The following TET1 variants were observed in gnomAD, a reference collection of about 807,000 sequenced individuals.
TET1 encodes the protein methylcytosine dioxygenase TET1.
In TET1, 13 loss-of-function variants were observed where a neutral mutation model predicts 148.7. That is an observed-to-expected ratio of 0.09 (90% CI 0.06 to 0.14). The LOEUF (loss-of-function observed/expected upper bound fraction) is 0.14, where lower values mean the gene tolerates loss of function less well. Among genes scored for constraint, TET1 ranks in the 10% least tolerant of loss-of-function variants. The probability of loss-of-function intolerance (pLI) is 1.00; values close to 1 mark genes in which losing one functional copy is unlikely to be tolerated. For synonymous variants in TET1, 907 were observed against 937.2 expected (o/e 0.97, Z 0.59); for missense variants, 2,182 against 2,553.8 (o/e 0.85, Z 3.14).
At chr10:68,648,126 C>T (rs539326804) in intron 4 of TET1, among the ~76,000 whole-genome samples, 2 of 152,260 alleles carry the variant, frequency 1.3e-5, no homozygotes, top group East Asian at 1.9e-4. Flanking sequence ...GATCCCTAAC[C>T]AATGTATTTC....
intron 2 of TET1, among the ~76,000 whole-genome samples, chr10:68,588,411 A>C (rs1316920031): frequency 6.6e-6 from 1 of 152,222 alleles, no homozygotes; most frequent in Non-Finnish European, 1.5e-5. Flanking sequence ...ACTGAGGCTT[A>C]GAGATGCCAG....
chr10:68,640,544 CTTTTT>C (rs60460824), intron 3 of TET1, among the ~76,000 whole-genome samples: 358 of 42,874 alleles, frequency 8.4e-3, no homozygotes, highest in African/African-American at 0.032. Context: ...TTCTTTCTTT[CTTTTT>C]TTTTTTTTTT....
intron 2 of TET1, among the ~76,000 whole-genome samples, chr10:68,593,230 CAAAAAAAAAAAAA>C (rs576381158): frequency 4.6e-5 from 2 of 43,184 alleles, no homozygotes; most frequent in South Asian, 9.5e-4. Flanking sequence ...AACTCTGTCT[CAAAAAAAAAAAAA>C]AAAAAAAAAA....
intron 3 of TET1, among the ~76,000 whole-genome samples, chr10:68,620,859 G>A (rs569451538): frequency 6.6e-6 from 1 of 152,248 alleles, no homozygotes; most frequent in South Asian, 2.1e-4. Context: ...AAAAATTTTA[G>A]CCTCCTAGTG....
At chr10:68,672,784 A>G (rs2055293484) in intron 7 of TET1, 111 bp from the exon 8 acceptor site, 6 of 778,570 alleles carry the variant, frequency 7.7e-6, no homozygotes, top group Non-Finnish European at 1.2e-5. Flanking sequence ...GATAAGTGTT[A>G]TAACCGGTTC....
At position 68,596,027 on chromosome 10, in the gene TET1, C is replaced by CACATATAT. The variant is rs71470531; in HGVS notation, c.1915-4953_1915-4952insCATATATA. Among the ~76,000 whole-genome samples the CACATATAT allele has an allele frequency of 5.7e-3, 351 of 61,644 alleles. 5 individuals are homozygous for CACATATAT. Among genetic ancestry groups the CACATATAT allele is most frequent in the South Asian group, 0.014 (21 of 1,512 alleles). The allele number at this position is 61,644 out of a possible 152,430, so 40.4% of individuals were successfully genotyped here. A position where few individuals can be genotyped will look rare whatever the true frequency, so the allele number is the denominator to read the frequency against. On this transcript the variant is annotated intron_variant, in intron 2 of 11. Coordinates refer to ENST00000373644, the MANE Select transcript of TET1 (RefSeq NM_030625.3). ...ACACACACACACACACACACACACA[C>CACATATAT]ATATATATATATATATACACATTTT...
At chr10:68,627,078 C>T (rs10998343) in intron 3 of TET1, among the ~76,000 whole-genome samples, 9,304 of 152,070 alleles carry the variant, frequency 0.061, 392 homozygotes, top group Non-Finnish European at 0.087. Context: ...TCGAGACCAG[C>T]CTGGCCAACA....
chr10:68,637,923 G>T (rs544044845), intron 3 of TET1, among the ~76,000 whole-genome samples: 10 of 152,092 alleles, frequency 6.6e-5, no homozygotes, highest in African/African-American at 2.4e-4. Context: ...GGGATTACAG[G>T]CATGTGCCAC....
At chr10:68,609,733 G>A (rs554629775) in intron 3 of TET1, among the ~76,000 whole-genome samples, 2 of 151,628 alleles carry the variant, frequency 1.3e-5, no homozygotes, top group South Asian at 2.1e-4. Flanking sequence ...CTAGGAGTTT[G>A]GTTATTTTAT....
At chr10:68,629,445 CTA>C (rs1235010681) in intron 3 of TET1, among the ~76,000 whole-genome samples, 1 of 151,768 alleles carries the variant, frequency 6.6e-6, no homozygotes. Context: ...TAAAATATAT[CTA>C]TGAAATATAA....
At chr10:68,613,274 GTCTT>G (rs556211533) in intron 3 of TET1, among the ~76,000 whole-genome samples, 59 of 152,236 alleles carry the variant, frequency 3.9e-4, no homozygotes, top group South Asian at 1.0e-3. Flanking sequence ...CTACAGAAAA[GTCTT>G]TCTTTTTGAT....
chr10:68,605,434 T>C (rs2054110520), intron 3 of TET1, among the ~76,000 whole-genome samples: 1 of 152,078 alleles, frequency 6.6e-6, no homozygotes, highest in Non-Finnish European at 1.5e-5. Flanking sequence ...CAAGCAAAAA[T>C]TGCCGAGATG....
Position 68,573,540 on chromosome 10 carries a change from C to T in TET1, c.1202C>T (p.Ala401Val), listed in dbSNP as rs999040718. 6.2e-7 allele frequency: 1 copy of T among 1,614,200 alleles called. No homozygotes were observed. Among genetic ancestry groups the T allele is most frequent in the Non-Finnish European group, 8.5e-7 (1 of 1,180,032 alleles). ...ETPDLPEIPG[A>V]IPVQGEVFGT... ...CCAGATCTACCAGAGATTCCTGGTGCTATTCCAGTCCAAGGAGAGGTCTTT... is the reference window on the plus strand; with the variant it reads ...CCAGATCTACCAGAGATTCCTGGTGTTATTCCAGTCCAAGGAGAGGTCTTT... Residue 401 changes from alanine to valine, a missense_variant, in exon 2 of 12, where the codon GCT (alanine) becomes GTT (valine). Physicochemically the swap from Ala to Val is moderately conservative, Grantham distance 64. Around this residue, in one of 11 missense-constraint regions of TET1, gnomAD observed 665 missense variants for 672.4 expected, o/e 0.99. Transcript: ENST00000373644.
chr10:68,646,303 G>A lies in TET1; in HGVS notation c.3574G>A (p.Ala1192Thr), dbSNP rs1222214017. 1 of 1,614,076 alleles carries A rather than the reference G, an allele frequency of 6.2e-7. No individual in the cohort carries two copies. The highest frequency in any genetic ancestry group is 8.5e-7 in the Non-Finnish European group (1 of 1,180,008). The change falls in exon 4 of 12, where the codon GCA (alanine) becomes ACA (threonine). Residue 1192 changes from alanine (A) to threonine (T), a missense_variant. By Grantham distance (58) the Ala-to-Thr change is moderately conservative. This residue lies in a region of TET1 where 582 missense variants were observed against 599.5 expected (regional missense o/e 0.97). Transcript: ENST00000373644. ...MYGTICDIWI[A>T]SKFQNFGQFC... ...TGGCACAATATGCGACATTTGGATA[G>A]CATCGAAATTTCAAAATTTTGGGCA... is the stretch of plus-strand genomic sequence containing the variant.
intron 1 of TET1, among the ~76,000 whole-genome samples, chr10:68,570,737 C>T (rs2053660239): frequency 6.6e-6 from 1 of 151,468 alleles, no homozygotes; most frequent in African/African-American, 2.4e-5. Flanking sequence ...TCACGCCATT[C>T]TCCTGCCTCA....
Position 68,565,136 on chromosome 10 carries a change from A to T in TET1, c.-123+4394A>T, listed in dbSNP as rs1411520893. Among the ~76,000 whole-genome samples the T allele has an allele frequency of 1.3e-5, 2 of 152,068 alleles. 1 individual carries two copies. The highest frequency in any genetic ancestry group is 1.3e-4 in the Admixed American group (2 of 15,240). The stretch of plus-strand genomic sequence containing the variant: ...TACACGGGAGAGATTTGACTGCTGG[A>T]AATATTTTAGTTCATCTGAGTGGTA... On this transcript the variant is annotated intron_variant, in intron 1 of 11. Transcript: ENST00000373644.
chr10:68,597,875 A>G (rs1156651842), intron 2 of TET1, among the ~76,000 whole-genome samples: 1 of 152,244 alleles, frequency 6.6e-6, no homozygotes, highest in Non-Finnish European at 1.5e-5. Context: ...TATGAAAAAT[A>G]CTATATGATT....
intron 1 of TET1, among the ~76,000 whole-genome samples, chr10:68,562,939 A>G (rs1163543749): frequency 1.3e-5 from 2 of 152,194 alleles, no homozygotes; most frequent in East Asian, 3.9e-4. Flanking sequence ...TTTTTACTAT[A>G]AGTAATTTTT....
chr10:68,578,460 C>T (rs190479149), intron 2 of TET1, among the ~76,000 whole-genome samples: 6 of 151,950 alleles, frequency 3.9e-5, no homozygotes, highest in African/African-American at 1.2e-4. Flanking sequence ...GGTTTCACCA[C>T]GTTGGCCAGC....
Sources: allele counts gnomAD v4.1 joint callset (sites outside exome capture counted in the v4.1 genomes callset), GRCh38; gene constraint gnomAD v4.1.1; regional missense constraint gnomAD v4.1.1; transcripts MANE v1.5; gene names NCBI Gene and HGNC (gene_info 2026-07-23, HGNC 2026-07-21).